The following SHOC2 variants were observed in gnomAD, a reference collection of about 807,000 sequenced individuals.
SHOC2 encodes SHOC2 leucine rich repeat scaffold protein, also known as leucine-rich repeat protein SHOC-2.
In SHOC2, 4 loss-of-function variants were observed where a neutral mutation model predicts 50.2. The ratio of observed to expected loss-of-function variants is 0.08; its 90% CI spans 0.04 to 0.18. The LOEUF is 0.18. SHOC2 is among the 10% of genes least tolerant of loss of function. The pLI, the probability that SHOC2 is intolerant of heterozygous loss-of-function variation, is 1.00. For synonymous variants in SHOC2, 218 were observed against 244.5 expected (o/e 0.89, Z 1.01); for missense variants, 388 against 669.6 (o/e 0.58, Z 4.64).
intron 1 of SHOC2, among the ~76,000 whole-genome samples, chr10:110,927,440 A>G (rs1174260605): frequency 2.0e-5 from 3 of 152,230 alleles, no homozygotes; most frequent in African/African-American, 7.2e-5. Flanking sequence ...CTAAACTCAT[A>G]GAAATGGGAT....
chr10:110,965,237 A>G (rs1034291386), intron 2 of SHOC2, among the ~76,000 whole-genome samples, 176 bp downstream of exon 2: 26 of 152,156 alleles, frequency 1.7e-4, no homozygotes, highest in African/African-American at 6.3e-4. Flanking sequence ...CATGGCTTGA[A>G]ATTGTTTCAT....
intron 3 of SHOC2, among the ~76,000 whole-genome samples, chr10:110,993,370 T>A (rs1268627431): frequency 1.3e-5 from 2 of 152,078 alleles, no homozygotes; most frequent in African/African-American, 4.8e-5. Context: ...CGTAAAAGAG[T>A]TTTGATATTT....
intron 3 of SHOC2, among the ~76,000 whole-genome samples, chr10:110,996,129 A>C (rs1848263528): frequency 6.6e-6 from 1 of 152,244 alleles, no homozygotes; most frequent in African/African-American, 2.4e-5. Flanking sequence ...TACAGCAGTT[A>C]AACAATAAGT....
At chr10:110,951,751 TGCCTCCCA>T (rs1234621181) in intron 1 of SHOC2, 1 of 152,186 alleles carries the variant, frequency 6.6e-6, no homozygotes, top group East Asian at 1.9e-4. Context: ...CTGCAACCTC[TGCCTCCCA>T]GGTTCAAGCG....
intron 5 of SHOC2, among the ~76,000 whole-genome samples, chr10:111,005,549 T>G (rs1398963366): frequency 6.6e-6 from 1 of 152,238 alleles, no homozygotes; most frequent in African/African-American, 2.4e-5. Context: ...AAAGCTGTTT[T>G]TAATATGCTT....
At chr10:110,923,583 C>G (rs184624591) in intron 1 of SHOC2, among the ~76,000 whole-genome samples, 114 of 152,216 alleles carry the variant, frequency 7.5e-4, no homozygotes, top group African/African-American at 2.7e-3. Context: ...TAAAAGAACA[C>G]TAATTCATTT....
intron 1 of SHOC2, among the ~76,000 whole-genome samples, chr10:110,962,818 A>G (rs753669854): frequency 6.6e-6 from 1 of 152,188 alleles, no homozygotes; most frequent in Admixed American, 6.5e-5. Flanking sequence ...TAAGTCCTGT[A>G]TGCTTTTCTC....
At chr10:110,979,835 A>G (rs1013198541) in intron 2 of SHOC2, among the ~76,000 whole-genome samples, 10 of 152,044 alleles carry the variant, frequency 6.6e-5, no homozygotes, top group African/African-American at 2.2e-4. Context: ...TCATAATTGC[A>G]TCTTATCTTC....
At chr10:110,925,421 G>A (rs1048298249) in intron 1 of SHOC2, among the ~76,000 whole-genome samples, 1 of 151,908 alleles carries the variant, frequency 6.6e-6, no homozygotes, top group African/African-American at 2.4e-5. Context: ...TTAAGACAGG[G>A]TCTCTTTTTC....
intron 1 of SHOC2, among the ~76,000 whole-genome samples, chr10:110,952,030 A>C (rs192666350): frequency 4.9e-4 from 75 of 152,318 alleles, no homozygotes; most frequent in African/African-American, 1.8e-3. Flanking sequence ...GGACAGACTT[A>C]AGAGGTCATC....
At chr10:110,968,636 T>G (rs1014028221) in intron 2 of SHOC2, among the ~76,000 whole-genome samples, 4 of 151,866 alleles carry the variant, frequency 2.6e-5, no homozygotes, top group African/African-American at 9.7e-5. Flanking sequence ...CAGCAGTATA[T>G]TTGAGGAATA....
Position 111,013,379 on chromosome 10 carries a change from A to G in SHOC2, c.*1561A>G, listed in dbSNP as rs1848604629. On this transcript the variant is annotated 3_prime_UTR_variant, in exon 9 of 9. Coordinates refer to ENST00000369452, the MANE Select transcript of SHOC2 (RefSeq NM_007373.4). ...TTTTTGAATTAAGGCTATGATATTA[A>G]GATAGAAATTTGGACTGTTGTTCTG... 1 of 151,970 alleles carries G rather than the reference A, an allele frequency of 6.6e-6. No individual in the cohort carries two copies. The highest frequency in any genetic ancestry group is 1.5e-5 in the Non-Finnish European group (1 of 67,972). The allele number at this position is 151,970 out of a possible 1,614,324, so 9.4% of individuals were successfully genotyped here. A position where few individuals can be genotyped will look rare whatever the true frequency, so the allele number is the denominator to read the frequency against.
intron 1 of SHOC2, among the ~76,000 whole-genome samples, chr10:110,935,341 G>T (rs1846986049): frequency 6.6e-6 from 1 of 152,200 alleles, no homozygotes; most frequent in Non-Finnish European, 1.5e-5. Flanking sequence ...TGGCTACAGA[G>T]TCTTTTATAT....
intron 8 of SHOC2, among the ~76,000 whole-genome samples, chr10:111,010,196 AATTAAT>A (rs139055875): frequency 1.1e-4 from 16 of 152,312 alleles, no homozygotes; most frequent in Middle Eastern, 3.4e-3. Flanking sequence ...GAGATTTTAG[AATTAAT>A]ATTAATATTT....
intron 1 of SHOC2, among the ~76,000 whole-genome samples, chr10:110,928,245 G>A (rs1442381540): frequency 2.0e-5 from 3 of 151,900 alleles, no homozygotes; most frequent in African/African-American, 7.3e-5. Context: ...TGAACCTGAG[G>A]GGCAGAGGTT....
intron 2 of SHOC2, among the ~76,000 whole-genome samples, chr10:110,975,821 T>A (rs1847867913): frequency 6.6e-6 from 1 of 152,214 alleles, no homozygotes; most frequent in African/African-American, 2.4e-5. Context: ...TTTTAATTTA[T>A]CTTGGGAGAT....
chr10:110,955,888 G>C (rs900310719), intron 1 of SHOC2, among the ~76,000 whole-genome samples: 1 of 151,898 alleles, frequency 6.6e-6, no homozygotes, highest in Non-Finnish European at 1.5e-5. Flanking sequence ...AGGAAGGAAG[G>C]GTATAAAGAC....
intron 5 of SHOC2, 140 bp from the exon 6 acceptor site, chr10:111,007,390 AT>A (rs1281821646): frequency 4.9e-5 from 47 of 961,082 alleles, no homozygotes; most frequent in South Asian, 1.8e-4. Flanking sequence ...TCTGTTGCTG[AT>A]TTTTTTTCTT....
chr10:110,968,068 T>G (rs11818771), intron 2 of SHOC2, among the ~76,000 whole-genome samples: 8,880 of 152,246 alleles, frequency 0.058, 334 homozygotes, highest in African/African-American at 0.11. Flanking sequence ...GACTGCAATA[T>G]TTTACATTCC....
Sources: gnomAD v4.1 joint callset for allele counts (sites outside exome capture counted in the v4.1 genomes callset) on GRCh38, gnomAD v4.1.1 for gene constraint, MANE v1.5 for transcripts, NCBI Gene and HGNC (gene_info 2026-07-23, HGNC 2026-07-21) for gene names.